Variants in METTL16 observed in about 807,000 individuals in gnomAD.
METTL16 encodes RNA N(6)-adenosine-methyltransferase METTL16.
In METTL16, 19 loss-of-function variants were observed where a neutral mutation model predicts 57.9. That is an observed-to-expected ratio of 0.33 (90% CI 0.23 to 0.48). METTL16 has a LOEUF of 0.48. METTL16 is among the 20% of genes least tolerant of loss of function. METTL16 has a pLI of 0.99. For missense variants in METTL16, 434 were observed against 691.5 expected (o/e 0.63, Z 4.18); for synonymous variants, 246 against 255.6 (o/e 0.96, Z 0.36).
chr17:2,484,609 C>G (rs1248924848), intron 2 of METTL16, among the ~76,000 whole-genome samples: 1 of 152,132 alleles, frequency 6.6e-6, no homozygotes, highest in Non-Finnish European at 1.5e-5. Flanking sequence ...ACTCTTCTGC[C>G]TCAACCTCCT....
intron 8 of METTL16, among the ~76,000 whole-genome samples, chr17:2,430,028 A>G (rs28694489): frequency 0.68 from 101,307 of 149,968 alleles, 34,995 homozygotes; most frequent in East Asian, 0.98. Flanking sequence ...TGGCCAGGCT[A>G]GTCTCAAACT....
chr17:2,464,938 C>T (rs543544909), intron 5 of METTL16, among the ~76,000 whole-genome samples: 3 of 152,066 alleles, frequency 2.0e-5, no homozygotes, highest in South Asian at 2.1e-4. Context: ...GGACTTCATC[C>T]GAATTAAAAA....
chr17:2,463,403 C>A (rs1477951516), intron 6 of METTL16, among the ~76,000 whole-genome samples: 1 of 152,144 alleles, frequency 6.6e-6, no homozygotes, highest in Non-Finnish European at 1.5e-5. Flanking sequence ...ATGGAACATC[C>A]TCAGAAACAC....
chr17:2,489,549 G>C (rs958725692), intron 2 of METTL16, among the ~76,000 whole-genome samples: 1 of 151,558 alleles, frequency 6.6e-6, no homozygotes, highest in Non-Finnish European at 1.5e-5. Context: ...CCATTTAATA[G>C]AGACGGTGAA....
intron 5 of METTL16, 28 bp downstream of exon 5, chr17:2,467,733 A>G (rs756493630): frequency 8.3e-6 from 13 of 1,571,174 alleles, no homozygotes; most frequent in Non-Finnish European, 1.1e-5. Flanking sequence ...GCCTATATTC[A>G]ATTATTTTAA....
chr17:2,430,071 C>T (rs1250760000), intron 8 of METTL16, among the ~76,000 whole-genome samples: 1 of 151,836 alleles, frequency 6.6e-6, no homozygotes, highest in Non-Finnish European at 1.5e-5. Context: ...GCCTCGGCCT[C>T]CCAAAGTGCT....
chr17:2,438,057 G>A (rs370564981), intron 8 of METTL16, 52 bp downstream of exon 8: 152 of 1,329,916 alleles, frequency 1.1e-4, no homozygotes, highest in Middle Eastern at 5.4e-4. Flanking sequence ...ATGATGGACT[G>A]AAACCCACCA....
chr17:2,464,195 A>G lies in METTL16; in HGVS notation c.728+13T>C. ...TTGTAAAGATGGACTCTATGTTGTA[A>G]AAACAGACTTACCTTAATCTTTTTT... On this transcript the variant is annotated intron_variant, in intron 6 of 9. Transcript: ENST00000263092. The G allele has an allele frequency of 6.2e-7, 1 of 1,606,918 alleles. No homozygotes were observed. Among genetic ancestry groups the G allele is most frequent in the Non-Finnish European group, 8.5e-7 (1 of 1,177,724 alleles).
At chr17:2,493,152 A>T (rs1228970924) in intron 2 of METTL16, among the ~76,000 whole-genome samples, 4 of 143,576 alleles carry the variant, frequency 2.8e-5, no homozygotes, top group Non-Finnish European at 6.1e-5. Flanking sequence ...TTTTTGAGAC[A>T]ATTTCAGCTC....
At chr17:2,441,366 T>C (rs1035985974) in intron 7 of METTL16, 124 bp downstream of exon 7, 6 of 601,914 alleles carry the variant, frequency 1.0e-5, no homozygotes, top group Non-Finnish European at 1.3e-5. Context: ...ATTGTTCCGG[T>C]GACAGTTACA....
chr17:2,429,277 C>T (rs1180738113), intron 8 of METTL16, among the ~76,000 whole-genome samples: 4 of 149,524 alleles, frequency 2.7e-5, no homozygotes, highest in African/African-American at 7.4e-5. Flanking sequence ...CAACCTCCAC[C>T]TCCCGGGTTC....
At chr17:2,443,794 T>C (rs2066971900) in intron 6 of METTL16, among the ~76,000 whole-genome samples, 1 of 152,162 alleles carries the variant, frequency 6.6e-6, no homozygotes, top group Admixed American at 6.5e-5. Flanking sequence ...CCACCGCACC[T>C]GGCCTTATTT....
At chr17:2,459,101 C>T (rs922410447) in intron 6 of METTL16, among the ~76,000 whole-genome samples, 7 of 152,010 alleles carry the variant, frequency 4.6e-5, no homozygotes, top group South Asian at 2.1e-4. Context: ...CCATTGTGCC[C>T]GGACTGGGTG....
At chr17:2,423,870 T>C (rs1400157660) in intron 8 of METTL16, among the ~76,000 whole-genome samples, 1 of 152,162 alleles carries the variant, frequency 6.6e-6, no homozygotes, top group Non-Finnish European at 1.5e-5. Context: ...AATACATCTT[T>C]ACCAACCTGA....
intron 6 of METTL16, among the ~76,000 whole-genome samples, chr17:2,449,679 G>A (rs570867456): frequency 1.3e-5 from 2 of 152,040 alleles, no homozygotes; most frequent in South Asian, 2.1e-4. Flanking sequence ...TCACTTACAC[G>A]GTCAGCTGAT....
rs754563119 is a variant in METTL16, at chr17:2,420,606, G to A, written c.1063-10C>T. On this transcript the variant is annotated splice_polypyrimidine_tract_variant and intron_variant, in intron 9 of 9. Transcript: ENST00000263092. The surrounding 1 kb of genome is among the most constrained non-coding windows in gnomAD (Gnocchi z 5.4). ...CTCGTTTATGCTGGACCTGTTTGGA[G>A]GAAAAACAGAATTTTGTGGGAAATC... is the stretch of plus-strand genomic sequence containing the variant. 3.2e-6 allele frequency: 5 copies of A among 1,580,254 alleles called. No homozygotes were observed. Among genetic ancestry groups the A allele is most frequent in the Non-Finnish European group, 2.6e-6 (3 of 1,167,866 alleles).
intron 1 of METTL16, among the ~76,000 whole-genome samples, chr17:2,507,595 T>C (rs1341155789): frequency 6.6e-6 from 1 of 152,010 alleles, no homozygotes; most frequent in Non-Finnish European, 1.5e-5. Context: ...GAGGAGCCCC[T>C]CTGCCCGGCC....
chr17:2,509,649 G>A (rs764883093), intron 1 of METTL16, among the ~76,000 whole-genome samples: 27 of 152,096 alleles, frequency 1.8e-4, no homozygotes, highest in East Asian at 3.8e-4. Flanking sequence ...CAACACTTTC[G>A]GAGGCCAAGA....
At chr17:2,434,453 G>A (rs953617248) in intron 8 of METTL16, among the ~76,000 whole-genome samples, 2 of 152,312 alleles carry the variant, frequency 1.3e-5, no homozygotes, top group Admixed American at 6.5e-5. Context: ...GACTTCAGGT[G>A]ATCACCACCT....
Sources: allele counts gnomAD v4.1 joint callset (sites outside exome capture counted in the v4.1 genomes callset), GRCh38; gene constraint gnomAD v4.1.1; non-coding constraint Gnocchi (gnomAD v3.1); transcripts MANE v1.5; gene names NCBI Gene and HGNC (gene_info 2026-07-23, HGNC 2026-07-21).